CACNA1C: variants seen among roughly 807,000 people sequenced by gnomAD.
The protein encoded by CACNA1C is voltage-dependent L-type calcium channel subunit alpha-1C.
CACNA1C carries 30 observed loss-of-function variants against 229.0 expected under a neutral mutation model. The observed-to-expected ratio is 0.13, with a 90% confidence interval of 0.10 to 0.18. The LOEUF (loss-of-function observed/expected upper bound fraction) is 0.18, where lower values mean the gene tolerates loss of function less well. Among genes scored for constraint, CACNA1C ranks in the 10% least tolerant of loss-of-function variants. The pLI is 1.00. For synonymous variants in CACNA1C, 1,114 were observed against 1,132.5 expected (o/e 0.98, Z 0.33); for missense variants, 1,658 against 2,845.0 (o/e 0.58, Z 9.49).
In CACNA1C at chr12:2,688,538, C is replaced by T. The variant is rs753835711; in HGVS notation, c.5876C>T (p.Pro1959Leu). Residue 1959 changes from proline (P) to leucine (L), a missense_variant, in exon 46 of 47, where the codon CCT (proline) becomes CTT (leucine). Physicochemically the swap from Pro to Leu is moderately conservative, Grantham distance 98 (BLOSUM62 -3). This residue lies in a region of CACNA1C where 590 missense variants were observed against 700.8 expected (regional missense o/e 0.84). Coordinates refer to ENST00000399655, the MANE Select transcript of CACNA1C (RefSeq NM_000719.7). ...CCTTTTGCCACCCCACCAGCCACACCTGGCAGCCGAGGCTGGCCCCCACAG... is the reference window on the plus strand; with the variant it reads ...CCTTTTGCCACCCCACCAGCCACACTTGGCAGCCGAGGCTGGCCCCCACAG... ...PRPFATPPAT[P>L]GSRGWPPQPV... The T allele has an allele frequency of 1.2e-6, 2 of 1,614,024 alleles. No individual in the cohort carries two copies. Among genetic ancestry groups the T allele is most frequent in the South Asian group, 1.1e-5 (1 of 91,084 alleles).
At chr12:2,237,154 T>G (rs75180389) in intron 3 of CACNA1C, among the ~76,000 whole-genome samples, 1 of 152,216 alleles carries the variant, frequency 6.6e-6, no homozygotes, top group Admixed American at 6.5e-5. Flanking sequence ...CATGGTGCCC[T>G]TGGGGGGAAA....
At chr12:2,517,394 A>G (rs1348499970) in intron 9 of CACNA1C, among the ~76,000 whole-genome samples, 1 of 152,238 alleles carries the variant, frequency 6.6e-6, no homozygotes, top group Non-Finnish European at 1.5e-5. Context: ...AGCTTAGCCC[A>G]TCACGATGTT....
chr12:2,567,098 C>T (rs538878326), intron 12 of CACNA1C, among the ~76,000 whole-genome samples: 13 of 152,354 alleles, frequency 8.5e-5, no homozygotes, highest in African/African-American at 3.1e-4. Context: ...CAGGCCTCAG[C>T]ATCATTGCTG....
rs190719885 is a variant in CACNA1C, at chr12:2,598,369, C to T, written c.2853+1080C>T. 2.1e-3 allele frequency among the ~76,000 whole-genome samples: 322 copies of T among 152,318 alleles called. 2 individuals are homozygous for T. Among genetic ancestry groups the T allele is most frequent in the African/African-American group, 7.5e-3 (312 of 41,576 alleles). ...CACTGGGATGAGAGAAAGAGTATTC[C>T]TCCATTTTTCGGGTATATTTCTGAG... On this transcript the variant is annotated intron_variant, in intron 21 of 46. Coordinates refer to ENST00000399655, the MANE Select transcript of CACNA1C (RefSeq NM_000719.7).
chr12:2,153,677 C>T (rs1011608846), intron 3 of CACNA1C, among the ~76,000 whole-genome samples: 9 of 152,284 alleles, frequency 5.9e-5, no homozygotes, highest in Admixed American at 1.3e-4. Flanking sequence ...ATGAGGCCTC[C>T]GCCCTGCAGT....
intron 5 of CACNA1C, among the ~76,000 whole-genome samples, chr12:2,462,851 T>A (rs2099520290): frequency 6.6e-6 from 1 of 152,094 alleles, no homozygotes; most frequent in Non-Finnish European, 1.5e-5. Context: ...ATAGGTTCAT[T>A]GGGCCATTTT....
At chr12:2,068,460 T>A (rs2060168351) in intron 1 of CACNA1C, among the ~76,000 whole-genome samples, 1 of 152,236 alleles carries the variant, frequency 6.6e-6, no homozygotes, top group Non-Finnish European at 1.5e-5. Flanking sequence ...CTCACTCAAA[T>A]TCTCTGCAGC....
intron 3 of CACNA1C, among the ~76,000 whole-genome samples, chr12:2,443,581 A>C (rs529344109): frequency 6.6e-6 from 1 of 152,146 alleles, no homozygotes; most frequent in Non-Finnish European, 1.5e-5. Context: ...TCCCAAGATC[A>C]CCAAAAGGGC....
At chr12:2,478,512 T>A (rs1311797314) in intron 5 of CACNA1C, among the ~76,000 whole-genome samples, 2 of 152,204 alleles carry the variant, frequency 1.3e-5, no homozygotes, top group Admixed American at 6.5e-5. Context: ...TCATTTACCC[T>A]AAAGGGTCCC....
Position 2,300,985 on chromosome 12 carries a change from C to G in CACNA1C, c.478-147991C>G, listed in dbSNP as rs145476882. 1.9e-3 allele frequency among the ~76,000 whole-genome samples: 282 copies of G among 152,304 alleles called. 1 individual carries two copies. Among genetic ancestry groups the G allele is most frequent in the African/African-American group, 6.6e-3 (275 of 41,560 alleles). ...ATGGAAGGTGAGGGTCCCTGTTGTC[C>G]TGGAGCTGCACAGCCACTTATAACT... On this transcript the variant is annotated intron_variant, in intron 3 of 46. Transcript: ENST00000399655.
chr12:2,635,765 T>C (rs535273816), intron 30 of CACNA1C, among the ~76,000 whole-genome samples: 35 of 152,276 alleles, frequency 2.3e-4, no homozygotes, highest in African/African-American at 8.4e-4. Context: ...TCTGTCTCCC[T>C]GTGTCTCTGA....
chr12:2,691,451 C>T lies in CACNA1C; in HGVS notation c.*252C>T, dbSNP rs1228929493. 3 of 387,020 alleles carry T rather than the reference C, an allele frequency of 7.8e-6. No individual in the cohort carries two copies. The highest frequency in any genetic ancestry group is 6.2e-5 in the African/African-American group (3 of 48,094). The allele number at this position is 387,020 out of a possible 1,614,324, so 24.0% of individuals were successfully genotyped here. ...CGCGAGGAAGGCGCCTGCCCTCTCC[C>T]AGCTCGCAGGCCCCGGGCCCGGCCG... is the stretch of plus-strand genomic sequence containing the variant. On this transcript the variant is annotated 3_prime_UTR_variant, in exon 47 of 47. Transcript: ENST00000399655.
chr12:2,676,089 G>A (rs2096796567), intron 39 of CACNA1C: 2 of 152,300 alleles, frequency 1.3e-5, no homozygotes, highest in Middle Eastern at 3.4e-3. Context: ...CTAAGTTGCT[G>A]GCCCAAGGTT....
intron 30 of CACNA1C, among the ~76,000 whole-genome samples, chr12:2,636,677 T>A (rs2092753778): frequency 6.6e-6 from 1 of 152,196 alleles, no homozygotes; most frequent in African/African-American, 2.4e-5. Flanking sequence ...TAGGCCAGAA[T>A]TCCTGGTTTC....
chr12:2,491,315 A>G (rs10437824), intron 6 of CACNA1C, among the ~76,000 whole-genome samples: 2,884 of 152,302 alleles, frequency 0.019, 93 homozygotes, highest in African/African-American at 0.065. Context: ...CTGCATGACT[A>G]TATAAACTTA....
At chr12:2,192,750 A>C (rs1598654029) in intron 3 of CACNA1C, among the ~76,000 whole-genome samples, 2 of 136,774 alleles carry the variant, frequency 1.5e-5, no homozygotes, top group African/African-American at 5.5e-5. Flanking sequence ...GGTACCTGGC[A>C]CTCCCCCCAC....
At chr12:2,690,827 C>A in intron 46 of CACNA1C, 73 bp from the exon 47 acceptor site, 1 of 1,408,308 alleles carries the variant, frequency 7.1e-7, no homozygotes, top group Non-Finnish European at 9.5e-7. Context: ...CTCGCTCTAG[C>A]CCTCAAGGGA....
rs145897276 is a variant in CACNA1C, at chr12:2,267,717, A to G, written c.477+147287A>G. The stretch of plus-strand genomic sequence containing the variant: ...CCAGAGTAGGATGCTCAGCCTTGCC[A>G]GGCAGCTGCACTCAGCTTCCCGCCC... On this transcript the variant is annotated intron_variant, in intron 3 of 46. Transcript: ENST00000399655. 1.5e-4 allele frequency among the ~76,000 whole-genome samples: 23 copies of G among 152,352 alleles called. No homozygotes were observed. In the East Asian group the frequency reaches 3.7e-3, roughly 24 times the overall value.
chr12:2,031,610 C>T (rs1008097145), intron 1 of CACNA1C, among the ~76,000 whole-genome samples: 2 of 152,160 alleles, frequency 1.3e-5, no homozygotes, highest in Admixed American at 6.5e-5. Context: ...ATCTCTCTAC[C>T]TATCCTACTA....
Sources: gnomAD v4.1 joint callset for allele counts (sites outside exome capture counted in the v4.1 genomes callset) on GRCh38, gnomAD v4.1.1 for gene constraint, gnomAD v4.1.1 regional missense constraint, MANE v1.5 for transcripts, NCBI Gene and HGNC (gene_info 2026-07-23, HGNC 2026-07-21) for gene names.